Variants in DPP10 observed in about 807,000 individuals in gnomAD.
DPP10 encodes dipeptidyl peptidase like 10, also known as inactive dipeptidyl peptidase 10.
In DPP10, 33 loss-of-function variants were observed where a neutral mutation model predicts 120.9. The observed-to-expected ratio is 0.27, with a 90% confidence interval of 0.21 to 0.37. The LOEUF is 0.37. Among genes scored for constraint, DPP10 ranks in the 10% least tolerant of loss-of-function variants. DPP10 has a pLI of 1.00. For synonymous variants in DPP10, 337 were observed against 326.1 expected (o/e 1.03, Z -0.36); for missense variants, 816 against 942.8 (o/e 0.87, Z 1.76).
At chr2:114,674,141 A>G (rs770992930) in intron 1 of DPP10, among the ~76,000 whole-genome samples, 2 of 152,088 alleles carry the variant, frequency 1.3e-5, no homozygotes, top group African/African-American at 2.4e-5. Context: ...AAGACTTTAC[A>G]TGATCCTATC....
rs778592374 is a variant in DPP10 at position 115,712,540 on chromosome 2, T to TTTTATATATATATATATA, written c.577-15275_577-15274insTTATATATATATATATAT. ...AGAAATAGCTTTGAAGAGTCCTGAA[T>TTTTATATATATATATATA]TAAATATATATATATATATATATAT... On this transcript the variant is annotated intron_variant, in intron 7 of 25. Coordinates refer to ENST00000410059, the MANE Select transcript of DPP10 (RefSeq NM_020868.6). 2.8e-3 allele frequency among the ~76,000 whole-genome samples: 50 copies of TTTTATATATATATATATA among 18,070 alleles called. 1 individual carries two copies. The highest frequency in any genetic ancestry group is 0.021 in the East Asian group (6 of 280). The allele number at this position is 18,070 out of a possible 152,430, so 11.9% of individuals were successfully genotyped here.
At chr2:115,533,299 C>G (rs994729109) in intron 5 of DPP10, among the ~76,000 whole-genome samples, 1 of 152,024 alleles carries the variant, frequency 6.6e-6, no homozygotes, top group Non-Finnish European at 1.5e-5. Context: ...ATCGTGTCTA[C>G]TAGAGGGAAC....
At chr2:114,608,713 A>G (rs1672277936) in intron 1 of DPP10, among the ~76,000 whole-genome samples, 2 of 152,066 alleles carry the variant, frequency 1.3e-5, no homozygotes, top group Admixed American at 6.5e-5. Context: ...CCAAAAAAAA[A>G]AACAGTGAAA....
chr2:115,815,675 A>T lies in DPP10; in HGVS notation c.1896A>T (p.Lys632Asn). 6.2e-7 allele frequency: 1 copy of T among 1,600,220 alleles called. No individual in the cohort carries two copies. Among genetic ancestry groups the T allele is most frequent in the Non-Finnish European group, 8.5e-7 (1 of 1,172,874 alleles). ...CTATTGTTTTTCGTTTTCATTGCAGATTTTTGCTGAAACTGCCTTACATTG... is the reference window on the plus strand; with the variant it reads ...CTATTGTTTTTCGTTTTCATTGCAGTTTTTTGCTGAAACTGCCTTACATTG... The part of the protein sequence containing the change: ...VEVKDQITAV[K>N]FLLKLPYIDS... Residue 632 changes from lysine to asparagine, a missense_variant and splice_region_variant, in exon 21 of 26, where the codon AAA becomes AAT. By Grantham distance (94) the Lys-to-Asn change is moderately conservative. Coordinates refer to ENST00000410059, the MANE Select transcript of DPP10 (RefSeq NM_020868.6).
At chr2:115,501,318 A>G (rs2076671422) in intron 4 of DPP10, among the ~76,000 whole-genome samples, 1 of 152,106 alleles carries the variant, frequency 6.6e-6, no homozygotes, top group Non-Finnish European at 1.5e-5. Flanking sequence ...CAAAAAAGAA[A>G]CCAAAACAAA....
intron 1 of DPP10, among the ~76,000 whole-genome samples, chr2:114,624,149 T>C (rs1442820613): frequency 6.6e-6 from 1 of 151,938 alleles, no homozygotes; most frequent in Non-Finnish European, 1.5e-5. Context: ...TAGTTCTGTC[T>C]TGGGACTAGA....
chr2:114,653,027 A>AGAGAGTGTGTGTGTGTGTGTGT (rs1553476958), intron 1 of DPP10, among the ~76,000 whole-genome samples: 1 of 135,774 alleles, frequency 7.4e-6, no homozygotes, highest in African/African-American at 3.1e-5. Flanking sequence ...AGAGAGAGAG[A>AGAGAGTGTGTGTGTGTGTGTGT]GTGTGTGTGT....
At chr2:114,794,737 A>G (rs778961471) in intron 1 of DPP10, among the ~76,000 whole-genome samples, 38 of 152,226 alleles carry the variant, frequency 2.5e-4, no homozygotes, top group Non-Finnish European at 1.2e-4. Flanking sequence ...AGATGCATCC[A>G]TTTTAGAGTT....
At chr2:115,468,658 A>G in intron 3 of DPP10, 2 of 359,556 alleles carry the variant, frequency 5.6e-6, no homozygotes, top group Admixed American at 3.4e-5. Flanking sequence ...CTCTACTTCT[A>G]CAGAGATCCT....
intron 2 of DPP10, among the ~76,000 whole-genome samples, chr2:115,312,102 C>T (rs1006931081): frequency 6.6e-6 from 1 of 152,074 alleles, no homozygotes; most frequent in African/African-American, 2.4e-5. Flanking sequence ...ATTTCACATA[C>T]TACATGTTCA....
rs1256183041 is a variant in DPP10 at position 115,570,920 on chromosome 2, GGCATTTGTTA to G, written c.441+44952_441+44961del. Among the ~76,000 whole-genome samples the G allele has an allele frequency of 2.0e-5, 3 of 152,108 alleles. No individual in the cohort carries two copies. The East Asian group carries it at 5.8e-4, about 29-fold the overall frequency. ...TTCCAGTGATTAACGTATTTCACCTGGCATTTGTTAGCACACAACTGACTGCCACCACCAC... is the reference window on the plus strand; with the variant it reads ...TTCCAGTGATTAACGTATTTCACCTGGCACACAACTGACTGCCACCACCAC... On this transcript the variant is annotated intron_variant, in intron 5 of 25. Transcript: ENST00000410059.
intron 1 of DPP10, among the ~76,000 whole-genome samples, chr2:114,968,081 A>T (rs1013051154): frequency 1.3e-5 from 2 of 152,156 alleles, no homozygotes; most frequent in African/African-American, 4.8e-5. Flanking sequence ...AAACCTCATT[A>T]TGTTCTACTT....
chr2:115,414,448 C>A (rs2069207878), intron 3 of DPP10, among the ~76,000 whole-genome samples: 1 of 152,050 alleles, frequency 6.6e-6, no homozygotes, highest in African/African-American at 2.4e-5. Flanking sequence ...AGTAGGAAAT[C>A]AATTAATACT....
At chr2:114,794,520 G>T (rs1486806042) in intron 1 of DPP10, among the ~76,000 whole-genome samples, 1 of 152,192 alleles carries the variant, frequency 6.6e-6, no homozygotes, top group Non-Finnish European at 1.5e-5. Context: ...GAGACATTTT[G>T]GGGGTGACGT....
At chr2:115,464,414 A>C (rs1188290371) in intron 3 of DPP10, among the ~76,000 whole-genome samples, 6 of 148,874 alleles carry the variant, frequency 4.0e-5, no homozygotes, top group African/African-American at 1.2e-4. Flanking sequence ...CCAAAAAAAA[A>C]CACAAACAAA....
chr2:114,684,973 TTGTC>T (rs1299756823), intron 1 of DPP10, among the ~76,000 whole-genome samples: 1 of 151,968 alleles, frequency 6.6e-6, no homozygotes, highest in African/African-American at 2.4e-5. Context: ...CATTCCTAAT[TTGTC>T]TGTATGGAGG....
At chr2:114,720,073 G>A (rs1218024362) in intron 1 of DPP10, among the ~76,000 whole-genome samples, 1 of 152,108 alleles carries the variant, frequency 6.6e-6, no homozygotes, top group Non-Finnish European at 1.5e-5. Flanking sequence ...GTTTTGTTTT[G>A]TTTTTGGTAG....
chr2:115,043,335 G>A (rs1229750048), intron 1 of DPP10, among the ~76,000 whole-genome samples: 1 of 152,144 alleles, frequency 6.6e-6, no homozygotes, highest in Admixed American at 6.5e-5. Flanking sequence ...AAAATAAGTT[G>A]ATTGGCCTTA....
chr2:115,056,474 C>T (rs1705923593), intron 1 of DPP10, among the ~76,000 whole-genome samples: 4 of 152,164 alleles, frequency 2.6e-5, no homozygotes, highest in Non-Finnish European at 5.9e-5. Context: ...ATGCTCCTAC[C>T]TCAGCTCCCT....
Sources: gnomAD v4.1 joint callset for allele counts (sites outside exome capture counted in the v4.1 genomes callset) on GRCh38, gnomAD v4.1.1 for gene constraint, MANE v1.5 for transcripts, NCBI Gene and HGNC (gene_info 2026-07-23, HGNC 2026-07-21) for gene names.